Variants in CACNA2D3 observed in about 807,000 individuals in gnomAD.
CACNA2D3 encodes the protein voltage-dependent calcium channel subunit alpha-2/delta-3.
In CACNA2D3, 60 loss-of-function variants were observed where a neutral mutation model predicts 160.6. That is an observed-to-expected ratio of 0.37 (90% CI 0.30 to 0.46). The LOEUF is 0.46. Among genes scored for constraint, CACNA2D3 ranks in the 20% least tolerant of loss-of-function variants. CACNA2D3 has a pLI of 1.00. For missense variants in CACNA2D3, 1,205 were observed against 1,365.0 expected (o/e 0.88, Z 1.85); for synonymous variants, 558 against 492.9 (o/e 1.13, Z -1.75).
chr3:54,196,516 T>C (rs1388907827), intron 2 of CACNA2D3, among the ~76,000 whole-genome samples: 1 of 152,170 alleles, frequency 6.6e-6, no homozygotes, highest in Admixed American at 6.5e-5. Context: ...CCAGTTCTCT[T>C]TGAGATGTTA....
At chr3:54,952,379 A>G (rs977092303) in intron 27 of CACNA2D3, among the ~76,000 whole-genome samples, 1 of 152,166 alleles carries the variant, frequency 6.6e-6, no homozygotes, top group Non-Finnish European at 1.5e-5. Flanking sequence ...GGCCGCAAAC[A>G]TGAAGGGTCT....
At chr3:55,006,508 G>A (rs1397102195) in intron 32 of CACNA2D3, among the ~76,000 whole-genome samples, 2 of 152,220 alleles carry the variant, frequency 1.3e-5, no homozygotes, top group Admixed American at 1.3e-4. Flanking sequence ...GCCGTAAAAT[G>A]TAATGGCAAA....
chr3:54,684,711 G>A (rs1700417813), intron 11 of CACNA2D3, among the ~76,000 whole-genome samples: 1 of 151,768 alleles, frequency 6.6e-6, no homozygotes, highest in African/African-American at 2.4e-5. Flanking sequence ...AAGCCCAGGA[G>A]ACAGCGTACA....
At chr3:54,469,921 T>C (rs977821290) in intron 4 of CACNA2D3, among the ~76,000 whole-genome samples, 1 of 152,052 alleles carries the variant, frequency 6.6e-6, no homozygotes, top group African/African-American at 2.4e-5. Context: ...CCAAGAAATA[T>C]GGGACTATGT....
At chr3:55,057,544 G>A (rs1704394792) in intron 35 of CACNA2D3, among the ~76,000 whole-genome samples, 1 of 152,154 alleles carries the variant, frequency 6.6e-6, no homozygotes, top group African/African-American at 2.4e-5. Flanking sequence ...TTTTGTTAAG[G>A]AGGAAGCAGT....
At chr3:54,451,415 A>G (rs1423074172) in intron 4 of CACNA2D3, among the ~76,000 whole-genome samples, 1 of 151,604 alleles carries the variant, frequency 6.6e-6, no homozygotes, top group African/African-American at 2.4e-5. Flanking sequence ...ACGCTCAGCT[A>G]ATTTTTGTAT....
chr3:54,367,583 G>T (rs1246400076), intron 3 of CACNA2D3: 9 of 382,260 alleles, frequency 2.4e-5, no homozygotes, highest in African/African-American at 1.7e-4. Context: ...CCATGGGGGA[G>T]TTAAGGCAAG....
intron 2 of CACNA2D3, among the ~76,000 whole-genome samples, chr3:54,141,094 C>CGCGCGCGCGCGCGCGCGCACGT (rs768348036): frequency 1.1e-4 from 9 of 81,966 alleles, no homozygotes; most frequent in Admixed American, 4.4e-4. Context: ...TGTGCGCGCG[C>CGCGCGCGCGCGCGCGCGCACGT]GCGCGTGTGT....
chr3:54,805,362 A>G (rs957586994), intron 13 of CACNA2D3, among the ~76,000 whole-genome samples: 5 of 152,258 alleles, frequency 3.3e-5, no homozygotes, highest in African/African-American at 1.2e-4. Context: ...AAAAATGATA[A>G]AGGGGATATC....
chr3:54,879,124 T>A (rs1283601792), intron 19 of CACNA2D3, 35 bp downstream of exon 19: 1 of 1,364,132 alleles, frequency 7.3e-7, no homozygotes, highest in Non-Finnish European at 1.0e-6. Flanking sequence ...CTGCTTAATT[T>A]AAAACAAACC....
At chr3:54,327,953 C>T (rs1704153439) in intron 3 of CACNA2D3, among the ~76,000 whole-genome samples, 1 of 152,220 alleles carries the variant, frequency 6.6e-6, no homozygotes. Flanking sequence ...TGACTGCTTT[C>T]TGGATGTTCC....
chr3:54,871,334 C>T (rs1699529914), intron 17 of CACNA2D3, among the ~76,000 whole-genome samples: 1 of 152,050 alleles, frequency 6.6e-6, no homozygotes, highest in Non-Finnish European at 1.5e-5. Context: ...CTACTCCCAA[C>T]TTGGAGCCAA....
At chr3:54,481,693 A>G (rs7373217) in intron 4 of CACNA2D3, among the ~76,000 whole-genome samples, 61,226 of 152,116 alleles carry the variant, frequency 0.4, 12,773 homozygotes, top group Middle Eastern at 0.49. Flanking sequence ...CTCTATCACT[A>G]GATGAGTTTG....
intron 35 of CACNA2D3, among the ~76,000 whole-genome samples, chr3:55,021,665 G>GTATATATATATGTGTA (rs1703456155): frequency 7.1e-6 from 1 of 140,360 alleles, no homozygotes; most frequent in Non-Finnish European, 1.5e-5. Flanking sequence ...ATATGTGTGT[G>GTATATATATATGTGTA]TATATATATA....
intron 11 of CACNA2D3, among the ~76,000 whole-genome samples, chr3:54,729,362 A>T (rs1701340438): frequency 6.6e-6 from 1 of 152,170 alleles, no homozygotes; most frequent in South Asian, 2.1e-4. Context: ...TTTGTAGTTT[A>T]TCCAACCTTA....
chr3:54,312,040 A>G (rs928599922), intron 2 of CACNA2D3, among the ~76,000 whole-genome samples: 4 of 152,318 alleles, frequency 2.6e-5, no homozygotes, highest in Admixed American at 6.5e-5. Context: ...GCCTTGGACT[A>G]TCTCTGGGTT....
intron 2 of CACNA2D3, among the ~76,000 whole-genome samples, chr3:54,154,820 C>A (rs1700216354): frequency 6.6e-6 from 1 of 152,156 alleles, no homozygotes; most frequent in Admixed American, 6.5e-5. Context: ...AAAAACCTGC[C>A]AGCTGCGATT....
intron 4 of CACNA2D3, among the ~76,000 whole-genome samples, chr3:54,393,686 G>A (rs889397355): frequency 1.1e-4 from 16 of 152,214 alleles, no homozygotes; most frequent in Admixed American, 1.0e-3. Context: ...AGCTAAAGAG[G>A]TACATCAACT....
chr3:54,789,276 T>A (rs1559582334), intron 13 of CACNA2D3, among the ~76,000 whole-genome samples: 1 of 152,184 alleles, frequency 6.6e-6, no homozygotes, highest in Non-Finnish European at 1.5e-5. Flanking sequence ...ATATGTGTTT[T>A]AAAAAAACTG....
Sources: allele counts gnomAD v4.1 joint callset (sites outside exome capture counted in the v4.1 genomes callset), GRCh38; gene constraint gnomAD v4.1.1; transcripts MANE v1.5; gene names NCBI Gene and HGNC (gene_info 2026-07-23, HGNC 2026-07-21).